Variants in NRXN1 observed in about 807,000 individuals in gnomAD.
NRXN1 encodes neurexin 1.
A neutral mutation model predicts 150.9 loss-of-function variants in NRXN1; 39 were observed. That is an observed-to-expected ratio of 0.26 (90% CI 0.20 to 0.34). The LOEUF is 0.34. Among genes scored for constraint, NRXN1 ranks in the 10% least tolerant of loss-of-function variants. NRXN1 has a pLI of 1.00. For synonymous variants in NRXN1, 924 were observed against 757.0 expected (o/e 1.22, Z -3.62); for missense variants, 1,815 against 1,949.9 (o/e 0.93, Z 1.30).
intron 18 of NRXN1, among the ~76,000 whole-genome samples, chr2:50,208,438 C>A (rs954810812): frequency 2.6e-5 from 4 of 152,112 alleles, no homozygotes; most frequent in Admixed American, 2.6e-4. Flanking sequence ...CTCCTCTGAC[C>A]ATTCTTGCAA....
At chr2:50,031,685 G>A (rs1689199741) in intron 21 of NRXN1, among the ~76,000 whole-genome samples, 1 of 152,052 alleles carries the variant, frequency 6.6e-6, no homozygotes, top group African/African-American at 2.4e-5. Context: ...AATGCAATTT[G>A]TCTCATCCAA....
intron 21 of NRXN1, among the ~76,000 whole-genome samples, chr2:49,993,617 T>C (rs1362631560): frequency 2.6e-5 from 4 of 152,162 alleles, no homozygotes; most frequent in Non-Finnish European, 5.9e-5. Flanking sequence ...AGGGTGTTGA[T>C]AATGAGGGAA....
At position 49,918,625 on chromosome 2, in the gene NRXN1, G is replaced by T. The variant is rs1300653423; in HGVS notation, c.*3319C>A. 1 of 152,024 alleles carries T rather than the reference G, an allele frequency of 6.6e-6. No homozygotes were observed. Among genetic ancestry groups the T allele is most frequent in the African/African-American group, 2.4e-5 (1 of 41,420 alleles). The allele number at this position is 152,024 out of a possible 1,614,324, so 9.4% of individuals were successfully genotyped here. A position where few individuals can be genotyped will look rare whatever the true frequency, so the allele number is the denominator to read the frequency against. ...ATTGTTTGCAACTAATACTGTATGA[G>T]TTTATGGTTTCTGGCATATCAAGAT... On this transcript the variant is annotated 3_prime_UTR_variant, in exon 23 of 23. Transcript: ENST00000401669.
At chr2:50,280,368 T>C (rs1212075754) in intron 17 of NRXN1, among the ~76,000 whole-genome samples, 1 of 152,088 alleles carries the variant, frequency 6.6e-6, no homozygotes, top group African/African-American at 2.4e-5. Flanking sequence ...AATAAGATTG[T>C]TTTAAATAAA....
At chr2:50,009,439 C>T (rs10172776) in intron 21 of NRXN1, among the ~76,000 whole-genome samples, 7,267 of 152,222 alleles carry the variant, frequency 0.048, 587 homozygotes, top group African/African-American at 0.16. Flanking sequence ...TTGAAATTTA[C>T]TTGCTGGAAA....
chr2:50,917,831 C>CA (rs1685436112), intron 5 of NRXN1: 1 of 151,010 alleles, frequency 6.6e-6, no homozygotes, highest in South Asian at 2.1e-4. Context: ...TATAGAAGCC[C>CA]AAATGGACTA....
At chr2:50,956,272 T>C (rs1462115665) in intron 2 of NRXN1, among the ~76,000 whole-genome samples, 1 of 152,168 alleles carries the variant, frequency 6.6e-6, no homozygotes, top group Non-Finnish European at 1.5e-5. Flanking sequence ...ATAAATGAAA[T>C]TTTGTTATAA....
At chr2:50,823,519 C>A (rs564449331) in intron 5 of NRXN1, among the ~76,000 whole-genome samples, 1 of 152,252 alleles carries the variant, frequency 6.6e-6, no homozygotes, top group South Asian at 2.1e-4. Context: ...CATCAACATT[C>A]ACATTCCTGA....
chr2:50,904,897 GGGTACTTATATCCAGGCTCTTCAAGTC>G (rs1187045329), intron 5 of NRXN1, among the ~76,000 whole-genome samples: 1 of 151,982 alleles, frequency 6.6e-6, no homozygotes, highest in Non-Finnish European at 1.5e-5. Context: ...TAATCCTTCT[GGGTACTTATATCCAGGCTCTTCAAGTC>G]GCCTTCAGTT....
intron 17 of NRXN1, among the ~76,000 whole-genome samples, chr2:50,296,458 A>T (rs2073573238): frequency 6.6e-6 from 1 of 151,980 alleles, no homozygotes; most frequent in South Asian, 2.1e-4. Flanking sequence ...CCATCACCTG[A>T]ATAGTTCCCA....
intron 5 of NRXN1, among the ~76,000 whole-genome samples, chr2:50,848,025 G>A (rs927359322): frequency 5.3e-5 from 8 of 152,134 alleles, no homozygotes; most frequent in Non-Finnish European, 2.9e-5. Flanking sequence ...TCCCTCTGTC[G>A]GAAGGGGATC....
intron 5 of NRXN1, among the ~76,000 whole-genome samples, chr2:50,847,491 G>C (rs10460541): frequency 0.16 from 24,826 of 152,006 alleles, 2,176 homozygotes; most frequent in Middle Eastern, 0.19. Context: ...GGGAAGTGCT[G>C]GGTAGAGAAA....
intron 18 of NRXN1, among the ~76,000 whole-genome samples, chr2:50,136,597 T>C (rs1201546513): frequency 1.3e-5 from 2 of 152,208 alleles, no homozygotes; most frequent in Admixed American, 6.5e-5. Flanking sequence ...AAAGGTGTCA[T>C]GGACCCCGGG....
At chr2:50,032,353 T>C (rs1420136757) in intron 21 of NRXN1, among the ~76,000 whole-genome samples, 2 of 152,048 alleles carry the variant, frequency 1.3e-5, no homozygotes, top group African/African-American at 4.8e-5. Context: ...ATTAATTAAG[T>C]GGCAGTATTC....
chr2:50,615,310 C>T (rs1419525192), intron 8 of NRXN1: 1 of 152,140 alleles, frequency 6.6e-6, no homozygotes, highest in Non-Finnish European at 1.5e-5. Flanking sequence ...GATTGTAAAA[C>T]CTCCAGCAGG....
intron 17 of NRXN1, among the ~76,000 whole-genome samples, chr2:50,459,210 T>C (rs2087905113): frequency 6.6e-6 from 1 of 152,164 alleles, no homozygotes; most frequent in Non-Finnish European, 1.5e-5. Context: ...AATCCTATAC[T>C]TTAAAAACAC....
intron 17 of NRXN1, among the ~76,000 whole-genome samples, chr2:50,343,382 T>G (rs1407392908): frequency 6.6e-6 from 1 of 152,206 alleles, no homozygotes; most frequent in African/African-American, 2.4e-5. Flanking sequence ...TGGACTCTTG[T>G]TGGCGTTAAG....
intron 21 of NRXN1, among the ~76,000 whole-genome samples, chr2:49,989,034 T>A (rs1255177655): frequency 6.6e-6 from 1 of 152,174 alleles, no homozygotes; most frequent in African/African-American, 2.4e-5. Flanking sequence ...ATTATTCCAT[T>A]TGAGTTCTGA....
chr2:50,706,741 G>A (rs960745228), intron 5 of NRXN1, among the ~76,000 whole-genome samples: 4 of 151,706 alleles, frequency 2.6e-5, no homozygotes, highest in South Asian at 2.1e-4. Context: ...ATCAATGACC[G>A]GTGCATTTTT....
Sources: allele counts gnomAD v4.1 joint callset (sites outside exome capture counted in the v4.1 genomes callset), GRCh38; gene constraint gnomAD v4.1.1; transcripts MANE v1.5; gene names NCBI Gene and HGNC (gene_info 2026-07-23, HGNC 2026-07-21).